TMEM267: variants seen among roughly 807,000 people sequenced by gnomAD.
The protein encoded by TMEM267 is transmembrane protein C5orf28.
TMEM267 carries 20 observed loss-of-function variants against 19.3 expected under a neutral mutation model. That is an observed-to-expected ratio of 1.04 (90% CI 0.73 to 1.51). The LOEUF is 1.51. Ranked by LOEUF, TMEM267 falls within the 40% of genes most tolerant of loss-of-function variation. The pLI, the probability that TMEM267 is intolerant of heterozygous loss-of-function variation, is 0.00. For synonymous variants in TMEM267, 88 were observed against 90.3 expected, an observed-to-expected ratio of 0.97 and a Z score of 0.15; for missense variants, 242 against 261.9, an observed-to-expected ratio of 0.92 and a Z score of 0.52.
intron 1 of TMEM267, among the ~76,000 whole-genome samples, chr5:43,472,022 A>G (rs1014930236): frequency 3.3e-5 from 5 of 152,224 alleles, no homozygotes; most frequent in African/African-American, 1.2e-4. Flanking sequence ...AACGGGAAAA[A>G]ATATTTGCAA....
intron 1 of TMEM267, among the ~76,000 whole-genome samples, chr5:43,466,381 T>C (rs1400692354): frequency 1.3e-5 from 2 of 152,174 alleles, no homozygotes; most frequent in Admixed American, 6.6e-5. Flanking sequence ...AAAACTTTTA[T>C]CTTAGAATAA....
At chr5:43,466,568 A>T (rs1468503574) in intron 1 of TMEM267, among the ~76,000 whole-genome samples, 1 of 152,206 alleles carries the variant, frequency 6.6e-6, no homozygotes, top group Admixed American at 6.5e-5. Flanking sequence ...GAAGGTACAA[A>T]ACTCACTGGT....
At chr5:43,464,559 T>C (rs1467905633) in intron 1 of TMEM267, among the ~76,000 whole-genome samples, 1 of 152,260 alleles carries the variant, frequency 6.6e-6, no homozygotes, top group Non-Finnish European at 1.5e-5. Context: ...CAAACTATAC[T>C]ACAAGGCTAC....
At position 43,483,858 on chromosome 5, in the gene TMEM267, G is replaced by C. The variant is rs13161668; in HGVS notation, c.-111C>G. Reference sequence around the variant, plus strand: ...TGAGTTCAATCCAGCAGCAGCTCGAGCAGCGGCTCCGCCCCTCGGTCGGAG... The same window carrying C: ...TGAGTTCAATCCAGCAGCAGCTCGACCAGCGGCTCCGCCCCTCGGTCGGAG... On this transcript the variant is annotated 5_prime_UTR_variant, in exon 1 of 3. Coordinates refer to ENST00000397080, the MANE Select transcript of TMEM267 (RefSeq NM_022483.5). 2,099 of 152,378 alleles carry C rather than the reference G, an allele frequency of 0.014. 57 individuals are homozygous for C. Among genetic ancestry groups the C allele is most frequent in the East Asian group, 0.13 (651 of 5,138 alleles). The allele number at this position is 152,378 out of a possible 1,614,324, so 9.4% of individuals were successfully genotyped here.
chr5:43,477,107 T>C (rs914601283), intron 1 of TMEM267, among the ~76,000 whole-genome samples: 5 of 151,248 alleles, frequency 3.3e-5, no homozygotes, highest in Admixed American at 2.6e-4. Flanking sequence ...AAGGATCACA[T>C]GCGTCTAGGA....
intron 2 of TMEM267, among the ~76,000 whole-genome samples, chr5:43,452,857 T>C (rs1022804092): frequency 8.5e-5 from 13 of 152,162 alleles, no homozygotes; most frequent in African/African-American, 3.1e-4. Context: ...TTCCTGAATA[T>C]CTACTAGGTA....
chr5:43,458,343 C>A (rs1470750716), intron 1 of TMEM267, among the ~76,000 whole-genome samples: 1 of 152,194 alleles, frequency 6.6e-6, no homozygotes, highest in East Asian at 1.9e-4. Flanking sequence ...CTCAAGCAAT[C>A]TTCCCACCTC....
At chr5:43,483,889 G>A (rs558395040), upstream of TMEM267, 1 of 152,334 alleles carries the variant, frequency 6.6e-6, no homozygotes, top group East Asian at 1.9e-4. Flanking sequence ...CGGAGCCATA[G>A]AGACGTCGGC....
rs1742189121 is a variant in TMEM267 at position 43,445,456 on chromosome 5, T to A, written c.*766A>T. On this transcript the variant is annotated 3_prime_UTR_variant, in exon 3 of 3. Transcript: ENST00000397080. ...AATATCAACATTTTGTTAATGTTAC[T>A]TATTATTTTCAAAACAGTTAAAACT... is the stretch of plus-strand genomic sequence containing the variant. The A allele has an allele frequency of 6.6e-6, 1 of 152,132 alleles. No homozygotes were observed. Among genetic ancestry groups the A allele is most frequent in the Admixed American group, 6.6e-5 (1 of 15,264 alleles). 9.4% of individuals were successfully genotyped at this position (152,132 alleles called of 1,614,324 possible).
At chr5:43,480,355 C>T (rs1331452403) in intron 1 of TMEM267, among the ~76,000 whole-genome samples, 3 of 152,072 alleles carry the variant, frequency 2.0e-5, no homozygotes. Flanking sequence ...GTTCTGTTGC[C>T]CAGGCTGGAG....
Position 43,446,315 on chromosome 5 carries a change from T to A in TMEM267, c.555A>T (p.Thr185=), listed in dbSNP as rs574967741. The A allele has an allele frequency of 8.1e-6, 13 of 1,613,832 alleles. No homozygotes were observed. Among genetic ancestry groups the A allele is most frequent in the South Asian group, 3.3e-5 (3 of 91,076 alleles). ...ATGAACAGATGTGAGGTAAAGATGA[T>A]GTGATTATTACATAAAGCCAGAATG... ...PLPFWLYVII[T]SSLPHICSFV... Residue 185 remains threonine, a synonymous_variant, in exon 3 of 3, where the codon ACA becomes ACT. Transcript: ENST00000397080.
chr5:43,468,239 T>C (rs181016448), intron 1 of TMEM267, among the ~76,000 whole-genome samples: 252 of 152,282 alleles, frequency 1.7e-3, no homozygotes, highest in African/African-American at 5.8e-3. Context: ...TTTAAGACTA[T>C]TACAAGGTGA....
chr5:43,479,197 G>A (rs1205843514), intron 1 of TMEM267, among the ~76,000 whole-genome samples: 1 of 151,776 alleles, frequency 6.6e-6, no homozygotes, highest in Non-Finnish European at 1.5e-5. Context: ...TGTTCATTAA[G>A]TATTCAAATT....
chr5:43,459,615 A>T (rs1417191928), intron 1 of TMEM267, among the ~76,000 whole-genome samples: 1 of 152,288 alleles, frequency 6.6e-6, no homozygotes, highest in East Asian at 1.9e-4. Flanking sequence ...ATGATTAATT[A>T]GAACTGAAAA....
intron 1 of TMEM267, among the ~76,000 whole-genome samples, chr5:43,468,327 G>A (rs556626249): frequency 2.2e-4 from 33 of 152,184 alleles, no homozygotes; most frequent in Admixed American, 4.6e-4. Flanking sequence ...GTATCTTATC[G>A]GTTAATTGCA....
intron 1 of TMEM267, among the ~76,000 whole-genome samples, chr5:43,467,626 AT>A (rs1278620238): frequency 1.3e-5 from 2 of 152,174 alleles, no homozygotes; most frequent in African/African-American, 4.8e-5. Flanking sequence ...CCCCAATATA[AT>A]AATAGTTGGA....
intron 1 of TMEM267, among the ~76,000 whole-genome samples, chr5:43,475,300 A>C (rs1201225042): frequency 6.6e-6 from 1 of 152,104 alleles, no homozygotes; most frequent in Admixed American, 6.6e-5. Context: ...GTTCTCACTC[A>C]TAAGTGGAAG....
At chr5:43,452,564 G>A (rs1742667664) in intron 2 of TMEM267, among the ~76,000 whole-genome samples, 1 of 145,226 alleles carries the variant, frequency 6.9e-6, no homozygotes, top group Non-Finnish European at 1.5e-5. Flanking sequence ...TTATACAACT[G>A]TGCTTGTGGC....
intron 2 of TMEM267, among the ~76,000 whole-genome samples, chr5:43,448,563 G>C (rs983342262): frequency 2.6e-5 from 4 of 152,150 alleles, no homozygotes; most frequent in Admixed American, 2.6e-4. Flanking sequence ...GATCACCTGA[G>C]GTCAGGAGCT....
Sources: gnomAD v4.1 joint callset for allele counts (sites outside exome capture counted in the v4.1 genomes callset) on GRCh38, gnomAD v4.1.1 for gene constraint, MANE v1.5 for transcripts, NCBI Gene and HGNC (gene_info 2026-07-23, HGNC 2026-07-21) for gene names.